Variants in TMTC2 observed in about 807,000 individuals in gnomAD.
TMTC2 encodes the protein transmembrane O-mannosyltransferase targeting cadherins 2.
A neutral mutation model predicts 82.4 loss-of-function variants in TMTC2; 43 were observed. The ratio of observed to expected loss-of-function variants is 0.52; its 90% CI spans 0.41 to 0.67. The LOEUF (loss-of-function observed/expected upper bound fraction) is 0.67, where lower values mean the gene tolerates loss of function less well. TMTC2 is among the 30% of genes least tolerant of loss of function. The probability of loss-of-function intolerance (pLI) is 0.00; values close to 1 mark genes in which losing one functional copy is unlikely to be tolerated. For synonymous variants in TMTC2, 408 were observed against 381.9 expected, an observed-to-expected ratio of 1.07 and a Z score of -0.80; for missense variants, 919 against 1,012.4, an observed-to-expected ratio of 0.91 and a Z score of 1.25.
chr12:83,011,240 G>A (rs547254018), intron 8 of TMTC2, among the ~76,000 whole-genome samples: 3 of 152,190 alleles, frequency 2.0e-5, no homozygotes, highest in African/African-American at 7.2e-5. Flanking sequence ...ATTTTAGGGT[G>A]GCTGCACTTA....
rs1052507713 is a variant in TMTC2 at position 82,823,898 on chromosome 12, T to A, written c.84-33112T>A. On this transcript the variant is annotated intron_variant, in intron 1 of 11. Coordinates refer to ENST00000321196, the MANE Select transcript of TMTC2 (RefSeq NM_152588.3). ...TTGTTGCTGGCCATTATTCTATTTT[T>A]TTTTTTTTTTTTTGAGACGGAGTCT... is the stretch of plus-strand genomic sequence containing the variant. Among the ~76,000 whole-genome samples, 16 of 151,288 alleles carry A rather than the reference T, an allele frequency of 1.1e-4. No individual in the cohort carries two copies. The East Asian group carries it at 1.9e-3, about 18-fold the overall frequency.
At chr12:82,855,082 T>C (rs994617494) in intron 1 of TMTC2, among the ~76,000 whole-genome samples, 3 of 152,200 alleles carry the variant, frequency 2.0e-5, no homozygotes, top group African/African-American at 7.2e-5. Context: ...CAATTATACA[T>C]GTTTATTAAA....
intron 4 of TMTC2, among the ~76,000 whole-genome samples, chr12:82,956,177 C>T (rs1254389069): frequency 1.3e-5 from 2 of 152,018 alleles, no homozygotes; most frequent in Non-Finnish European, 2.9e-5. Context: ...ACAATAGAAA[C>T]TACAAAGCAA....
intron 1 of TMTC2, among the ~76,000 whole-genome samples, chr12:82,852,010 A>G (rs796626460): frequency 3.3e-4 from 50 of 152,260 alleles, no homozygotes; most frequent in African/African-American, 1.2e-3. Flanking sequence ...ACATTTTCTA[A>G]AGGAAAAATC....
chr12:82,758,989 CATATGACCTTA>C lies in TMTC2; in HGVS notation c.83+71323_83+71333del, dbSNP rs1385883413. 3.9e-5 allele frequency: 6 copies of C among 152,204 alleles called. No homozygotes were observed. In the East Asian group the frequency reaches 1.2e-3, roughly 29 times the overall value. The allele number at this position is 152,204 out of a possible 1,614,324, so 9.4% of individuals were successfully genotyped here. On this transcript the variant is annotated intron_variant, in intron 1 of 11. Transcript: ENST00000321196. ...GTATGGTGCTGTACTGCACAAGCTTCATATGACCTTAATTTCCGAGCATCAGTTTCATCATT... is the reference window on the plus strand; with the variant it reads ...GTATGGTGCTGTACTGCACAAGCTTCATTTCCGAGCATCAGTTTCATCATT...
chr12:82,985,903 T>C, intron 7 of TMTC2, 22 bp from the exon 8 acceptor site: 2 of 1,609,416 alleles, frequency 1.2e-6, no homozygotes, highest in East Asian at 4.5e-5. Context: ...CCTTTGACCT[T>C]CATGATTAAT....
intron 9 of TMTC2, among the ~76,000 whole-genome samples, chr12:83,041,314 C>T (rs1262113832): frequency 6.6e-6 from 1 of 152,148 alleles, no homozygotes; most frequent in African/African-American, 2.4e-5. Context: ...GCACACCCAG[C>T]CCTACTGCAG....
At chr12:82,829,077 A>C (rs181618421) in intron 1 of TMTC2, among the ~76,000 whole-genome samples, 3 of 152,288 alleles carry the variant, frequency 2.0e-5, no homozygotes, top group Non-Finnish European at 2.9e-5. Flanking sequence ...AGGTAGCAGC[A>C]TTGTCCATGT....
intron 7 of TMTC2, among the ~76,000 whole-genome samples, chr12:82,967,774 CT>C (rs1243004405): frequency 6.6e-6 from 1 of 152,042 alleles, no homozygotes; most frequent in Non-Finnish European, 1.5e-5. Context: ...TCAAATATTT[CT>C]TTTTTTCCAA....
At chr12:82,883,804 T>G (rs1447471716) in intron 2 of TMTC2, among the ~76,000 whole-genome samples, 6 of 152,248 alleles carry the variant, frequency 3.9e-5, no homozygotes, top group Non-Finnish European at 8.8e-5. Flanking sequence ...TGTCTTCTTC[T>G]TAAAGAACAG....
At chr12:82,982,903 C>T (rs1878987511) in intron 7 of TMTC2, among the ~76,000 whole-genome samples, 1 of 152,056 alleles carries the variant, frequency 6.6e-6, no homozygotes, top group African/African-American at 2.4e-5. Context: ...AATTTAGCCA[C>T]ACTGCTTCTC....
At chr12:82,695,253 A>G (rs1872733532) in intron 1 of TMTC2, among the ~76,000 whole-genome samples, 1 of 152,208 alleles carries the variant, frequency 6.6e-6, no homozygotes, top group Non-Finnish European at 1.5e-5. Flanking sequence ...TTCTTACCTA[A>G]TAAGTTTTTA....
At chr12:82,719,072 TA>T in intron 1 of TMTC2, among the ~76,000 whole-genome samples, 2 of 88,656 alleles carry the variant, frequency 2.3e-5, no homozygotes, top group African/African-American at 5.1e-5. Context: ...TATATATATA[TA>T]TATATATATA....
chr12:83,061,972 C>A, intron 11 of TMTC2, 141 bp downstream of exon 11: 1 of 620,354 alleles, frequency 1.6e-6, no homozygotes, highest in African/African-American at 1.9e-5. Context: ...TCTCTCTGAG[C>A]TCTTATTTTG....
chr12:82,718,505 G>A (rs1409996369), intron 1 of TMTC2, among the ~76,000 whole-genome samples: 1 of 152,162 alleles, frequency 6.6e-6, no homozygotes, highest in African/African-American at 2.4e-5. Context: ...TCTATTAAGT[G>A]ACGGAGTCCA....
At chr12:82,796,319 C>T (rs552557961) in intron 1 of TMTC2, among the ~76,000 whole-genome samples, 2 of 152,192 alleles carry the variant, frequency 1.3e-5, no homozygotes, top group African/African-American at 4.8e-5. Flanking sequence ...TTTTTATTTG[C>T]TATAAAAATT....
chr12:83,088,759 A>T (rs1350486321), intron 11 of TMTC2, among the ~76,000 whole-genome samples: 1 of 152,212 alleles, frequency 6.6e-6, no homozygotes, highest in Non-Finnish European at 1.5e-5. Context: ...TATAGTAATA[A>T]TAAAAGCATT....
At chr12:83,103,606 G>T (rs779313808) in intron 11 of TMTC2, among the ~76,000 whole-genome samples, 71 of 152,072 alleles carry the variant, frequency 4.7e-4, no homozygotes, top group Non-Finnish European at 4.0e-4. Flanking sequence ...CAAACACCTC[G>T]CAACAAGCCC....
At chr12:82,753,342 T>TTTTTTG (rs775600903) in intron 1 of TMTC2, among the ~76,000 whole-genome samples, 1 of 151,392 alleles carries the variant, frequency 6.6e-6, no homozygotes, top group Non-Finnish European at 1.5e-5. Flanking sequence ...TTTTTTTTTT[T>TTTTTTG]GAGGAGAAGT....
Sources: allele counts gnomAD v4.1 joint callset (sites outside exome capture counted in the v4.1 genomes callset), GRCh38; gene constraint gnomAD v4.1.1; transcripts MANE v1.5; gene names NCBI Gene and HGNC (gene_info 2026-07-23, HGNC 2026-07-21).